SURF6: variants seen among roughly 807,000 people sequenced by gnomAD.
SURF6 encodes the protein surfeit 6, also known as surfeit locus protein 6.
A neutral mutation model predicts 37.5 loss-of-function variants in SURF6; 28 were observed. That is an observed-to-expected ratio of 0.75 (90% confidence interval 0.55 to 1.02). The LOEUF (loss-of-function observed/expected upper bound fraction) is 1.02, where lower values mean the gene tolerates loss of function less well. Among genes scored for constraint, SURF6 ranks in the 50% least tolerant of loss-of-function variants. The probability of loss-of-function intolerance (pLI) is 0.00; values close to 1 mark genes in which losing one functional copy is unlikely to be tolerated. For missense variants in SURF6, 560 were observed against 490.5 expected, an observed-to-expected ratio of 1.14 and a Z score of -1.34; for synonymous variants, 248 against 210.9, an observed-to-expected ratio of 1.18 and a Z score of -1.52.
chr9:133,335,629 A>G (rs923594835), intron 1 of SURF6, among the ~76,000 whole-genome samples: 1 of 146,324 alleles, frequency 6.8e-6, no homozygotes, highest in Non-Finnish European at 1.5e-5. Flanking sequence ...TCCTCCCCAC[A>G]CCGCACCATG....
chr9:133,331,716 T>C lies in SURF6; in HGVS notation c.*153A>G. ...TCTTTCTCACATGGGATCTGTGATCTGGGCCCTCACAACTCAGCAGAGCAC... is the reference window on the plus strand; with the variant it reads ...TCTTTCTCACATGGGATCTGTGATCCGGGCCCTCACAACTCAGCAGAGCAC... On this transcript the variant is annotated 3_prime_UTR_variant, in exon 5 of 5. Coordinates refer to ENST00000372022, the MANE Select transcript of SURF6 (RefSeq NM_006753.6). 3 of 984,048 alleles carry C rather than the reference T, an allele frequency of 3.0e-6. No homozygotes were observed. Among genetic ancestry groups the C allele is most frequent in the Non-Finnish European group, 4.1e-6 (3 of 732,952 alleles). The allele number at this position is 984,048 out of a possible 1,614,324, so 61.0% of individuals were successfully genotyped here.
chr9:133,332,566 G>C lies in SURF6; in HGVS notation c.588C>G (p.Pro196=), dbSNP rs2129919191. The change falls in exon 4 of 5, where the codon CCC becomes CCG. Residue 196 remains proline, a synonymous_variant. Transcript: ENST00000372022. The part of the protein sequence containing the change: ...EGACTEPREP[P]GLIFNKVEVS... ...CGCTCACCTTATTGAAGATCAGCCCGGGCGGCTCCCGCGGCTCCGTGCAGG... is the reference window on the plus strand; with the variant it reads ...CGCTCACCTTATTGAAGATCAGCCCCGGCGGCTCCCGCGGCTCCGTGCAGG... 2.5e-6 allele frequency: 4 copies of C among 1,608,898 alleles called. No homozygotes were observed. The highest frequency in any genetic ancestry group is 2.7e-5 in the African/African-American group (2 of 74,924).
intron 1 of SURF6, among the ~76,000 whole-genome samples, chr9:133,335,558 T>C (rs1385050958): frequency 1.3e-5 from 2 of 152,004 alleles, no homozygotes; most frequent in African/African-American, 4.8e-5. Context: ...TCTACTTCCC[T>C]TGTGCAGCGT....
chr9:133,332,941 G>A, intron 3 of SURF6, 181 bp from the exon 4 acceptor site: 1 of 618,954 alleles, frequency 1.6e-6, no homozygotes, highest in Non-Finnish European at 2.8e-6. Context: ...CCCCAAAAGA[G>A]AGAAGGGACC....
Position 133,329,946 on chromosome 9 carries a change from G to A in SURF6, c.*1923C>T, listed in dbSNP as rs2129904532. The A allele has an allele frequency of 2.0e-5, 3 of 152,158 alleles. No homozygotes were observed. Among genetic ancestry groups the A allele is most frequent in the Non-Finnish European group, 4.4e-5 (3 of 68,030 alleles). The allele number at this position is 152,158 out of a possible 1,614,324, so 9.4% of individuals were successfully genotyped here. ...AATTTGTCTACGTCTGGAATTACCTGTTCTCTATATCGTGGAACTTCCCTG... is the reference window on the plus strand; with the variant it reads ...AATTTGTCTACGTCTGGAATTACCTATTCTCTATATCGTGGAACTTCCCTG... On this transcript the variant is annotated 3_prime_UTR_variant, in exon 5 of 5. Coordinates refer to ENST00000372022, the MANE Select transcript of SURF6 (RefSeq NM_006753.6).
chr9:133,332,663 GC>G lies in SURF6; in HGVS notation c.490del (p.Ala164ArgfsTer35). On this transcript the variant is annotated frameshift_variant, in exon 4 of 5. Coordinates refer to ENST00000372022, the MANE Select transcript of SURF6 (RefSeq NM_006753.6). LOFTEE classifies it high-confidence loss of function. ...CTCAGCCTTCCTGGCCTTCTCTTTC[GC>G]CCGCAGCTCCTTTCGCTTCCTCTTC... ...RKKRKRKELR[A>X]KEKARKAEEA... is the part of the protein sequence containing the mutation. 3 of 1,612,046 alleles carry G rather than the reference GC, an allele frequency of 1.9e-6. No homozygotes were observed. The highest frequency in any genetic ancestry group is 1.7e-6 in the Non-Finnish European group (2 of 1,179,982).
Position 133,332,000 on chromosome 9 carries a change from G to A in SURF6, c.955C>T (p.Gln319Ter). 1 of 1,599,566 alleles carries A rather than the reference G, an allele frequency of 6.3e-7. No homozygotes were observed. The highest frequency in any genetic ancestry group is 8.5e-7 in the Non-Finnish European group (1 of 1,179,092). Residue 319 changes from glutamine to a stop codon, truncating the protein, a stop_gained, in exon 5 of 5, where the codon CAG (glutamine) becomes TAG (stop). Transcript: ENST00000372022. LOFTEE classifies it high-confidence loss of function. Reference sequence around the variant, plus strand: ...TGCCGCCGCCGGTCCTGGCGCTGCTGCATCTTCTCCACCACGCCGGCCGTG... The same window carrying A: ...TGCCGCCGCCGGTCCTGGCGCTGCTACATCTTCTCCACCACGCCGGCCGTG... ...KRTAGVVEKM[Q>*]QRQDRRRQNL...
chr9:133,333,881 G>T, intron 2 of SURF6, 75 bp from the exon 3 acceptor site: 1 of 1,257,616 alleles, frequency 8.0e-7, no homozygotes, highest in African/African-American at 1.5e-5. Flanking sequence ...ACGAATCCCT[G>T]TCCCACTGTG....
Position 133,336,028 on chromosome 9 carries a change from C to G in SURF6, c.94+11G>C, listed in dbSNP as rs2129933510. On this transcript the variant is annotated intron_variant, in intron 1 of 4. Transcript: ENST00000372022. ...CAGGCCCCTTAGTCCCGGCCCGGCCCTGTGCGTTACCCCGCGTGCGCGCCT... is the reference window on the plus strand; with the variant it reads ...CAGGCCCCTTAGTCCCGGCCCGGCCGTGTGCGTTACCCCGCGTGCGCGCCT... 6.2e-6 allele frequency: 10 copies of G among 1,608,976 alleles called. No individual in the cohort carries two copies. In the South Asian group the frequency reaches 1.1e-4, roughly 18 times the overall value.
At chr9:133,333,839 C>T (rs2129925165) in intron 2 of SURF6, 33 bp from the exon 3 acceptor site, 3 of 1,571,314 alleles carry the variant, frequency 1.9e-6, no homozygotes, top group Non-Finnish European at 2.6e-6. Context: ...GCAGGGGGCC[C>T]TCTCTTCCCC....
intron 3 of SURF6, among the ~76,000 whole-genome samples, chr9:133,333,126 C>T (rs1036989273): frequency 2.0e-5 from 3 of 152,174 alleles, no homozygotes; most frequent in African/African-American, 7.2e-5. Context: ...ATTCTGTTCA[C>T]GAGGTACCCA....
Position 133,332,171 on chromosome 9 carries a change from GC to G in SURF6, c.783del (p.Gln262ArgfsTer7). 6.2e-7 allele frequency: 1 copy of G among 1,610,432 alleles called. No homozygotes were observed. The highest frequency in any genetic ancestry group is 8.5e-7 in the Non-Finnish European group (1 of 1,179,924). On this transcript the variant is annotated frameshift_variant, in exon 5 of 5. Transcript: ENST00000372022. LOFTEE classifies it high-confidence loss of function. ...DELRGQDEGK[A>X]QELEAKMKWT... ...CACTTCATCTTCGCCTCCAGCTCCT[GC>G]GCCTTCCCCTCATCCTGGCCGCGCA...
At chr9:133,332,409 G>A (rs926630231) in intron 4 of SURF6, 61 bp from the exon 5 acceptor site, 1 of 1,532,724 alleles carries the variant, frequency 6.5e-7, no homozygotes, top group Admixed American at 2.0e-5. Flanking sequence ...GCCTTGGCCA[G>A]TACCCTAAGG....
In SURF6 at chr9:133,332,689, C is replaced by T; in HGVS notation, c.465G>A (p.Lys155=). 1 of 1,612,444 alleles carries T rather than the reference C, an allele frequency of 6.2e-7. No individual in the cohort carries two copies. Among genetic ancestry groups the T allele is most frequent in the African/African-American group, 1.3e-5 (1 of 75,064 alleles). The part of the protein sequence containing the change: ...RRRRKQERDR[K]KRKRKELRAK... Reference sequence around the variant, plus strand: ...CCCGCAGCTCCTTTCGCTTCCTCTTCTTCCGGTCCCGTTCCTGCTTTCTCC... The same window carrying T: ...CCCGCAGCTCCTTTCGCTTCCTCTTTTTCCGGTCCCGTTCCTGCTTTCTCC... The change falls in exon 4 of 5, where the codon AAG becomes AAA. Residue 155 remains lysine (K), a synonymous_variant. Transcript: ENST00000372022.
rs2129927000 is a variant in SURF6, at chr9:133,334,393, T to C, written c.303A>G (p.Ala101=). Reference sequence around the variant, plus strand: ...CCAACATGCCCTGAAGCCTCTCACCTGCAGGGTTCCCTGCTGAGCTGGAAG... The same window carrying C: ...CCAACATGCCCTGAAGCCTCTCACCCGCAGGGTTCCCTGCTGAGCTGGAAG... ...AWASSSAGNP[A]DGLATEPESV... The change falls in exon 2 of 5, where the codon GCA becomes GCG. Residue 101 remains alanine (A), a splice_region_variant and synonymous_variant. Coordinates refer to ENST00000372022, the MANE Select transcript of SURF6 (RefSeq NM_006753.6). 2 of 1,584,670 alleles carry C rather than the reference T, an allele frequency of 1.3e-6. No homozygotes were observed. Among genetic ancestry groups the C allele is most frequent in the Admixed American group, 3.4e-5 (2 of 58,796 alleles).
At position 133,329,581 on chromosome 9, in the gene SURF6, G is replaced by A. The variant is rs1396159724; in HGVS notation, c.*2288C>T. The A allele has an allele frequency of 1.2e-5, 2 of 160,928 alleles. No homozygotes were observed. Among genetic ancestry groups the A allele is most frequent in the African/African-American group, 4.8e-5 (2 of 41,614 alleles). 10.0% of individuals were successfully genotyped at this position (160,928 alleles called of 1,614,324 possible). On this transcript the variant is annotated 3_prime_UTR_variant, in exon 5 of 5. Transcript: ENST00000372022. Reference sequence around the variant, plus strand: ...CAGAAGGCTCGCACTCTTGTCTTCTGGTCACACCTATGTCCCCTCAGCTCC... The same window carrying A: ...CAGAAGGCTCGCACTCTTGTCTTCTAGTCACACCTATGTCCCCTCAGCTCC...
chr9:133,334,622 G>A (rs782483804), intron 1 of SURF6, 21 bp from the exon 2 acceptor site: 2 of 1,602,324 alleles, frequency 1.2e-6, no homozygotes, highest in Non-Finnish European at 1.7e-6. Flanking sequence ...AAATAAGAAA[G>A]AGTTAAGTCC....
chr9:133,333,363 G>A (rs1354350122), intron 3 of SURF6, among the ~76,000 whole-genome samples: 1 of 152,174 alleles, frequency 6.6e-6, no homozygotes, highest in Non-Finnish European at 1.5e-5. Context: ...GGCCAACACA[G>A]GGGAGACAGT....
intron 1 of SURF6, 29 bp downstream of exon 1, chr9:133,336,010 C>T (rs1419797354): frequency 1.9e-6 from 3 of 1,599,972 alleles, no homozygotes; most frequent in African/African-American, 1.3e-5. Context: ...TCGCAGGCCC[C>T]TTAGTCCCGG....
Sources: allele counts gnomAD v4.1 joint callset (sites outside exome capture counted in the v4.1 genomes callset), GRCh38; gene constraint gnomAD v4.1.1; transcripts MANE v1.5; gene names NCBI Gene and HGNC (gene_info 2026-07-23, HGNC 2026-07-21).